NUP155: variants seen among roughly 807,000 people sequenced by gnomAD.
NUP155 encodes nuclear pore complex protein Nup155.
Under a neutral mutation model 180.4 loss-of-function variants are expected in NUP155, and 71 were observed. That is an observed-to-expected ratio of 0.39 (90% CI 0.33 to 0.48). NUP155 has a LOEUF of 0.48. Ranked by LOEUF, NUP155 falls within the 20% of genes least tolerant of loss-of-function variation. The pLI, the probability that NUP155 is intolerant of heterozygous loss-of-function variation, is 0.91. For missense variants in NUP155, 1,553 were observed against 1,648.9 expected (o/e 0.94, Z 1.01); for synonymous variants, 582 against 559.5 (o/e 1.04, Z -0.57).
At chr5:37,351,658 C>G (rs1165056605) in intron 5 of NUP155, among the ~76,000 whole-genome samples, 1 of 151,794 alleles carries the variant, frequency 6.6e-6, no homozygotes, top group African/African-American at 2.4e-5. Flanking sequence ...ACCGTGTTAG[C>G]CAGGATGGTC....
chr5:37,341,691 C>T (rs1745734293), intron 10 of NUP155, among the ~76,000 whole-genome samples: 1 of 152,076 alleles, frequency 6.6e-6, no homozygotes, highest in African/African-American at 2.4e-5. Flanking sequence ...CAGGTGCCTG[C>T]CACCATGTCT....
At chr5:37,366,114 T>C (rs943987929) in intron 1 of NUP155, among the ~76,000 whole-genome samples, 3 of 152,242 alleles carry the variant, frequency 2.0e-5, no homozygotes, top group South Asian at 2.1e-4. Flanking sequence ...AGTGTTCTCA[T>C]GGGCAACCTT....
In NUP155 at chr5:37,365,752, T is replaced by TACATATAC. The variant is rs1747540376; in HGVS notation, c.158-1369_158-1368insGTATATGT. ...AAAAAAAAAAAAATATATATATATA[T>TACATATAC]ACACACACACACACACACACACACA... is the stretch of plus-strand genomic sequence containing the variant. On this transcript the variant is annotated intron_variant, in intron 1 of 34. Coordinates refer to ENST00000231498, the MANE Select transcript of NUP155 (RefSeq NM_153485.3). 1.6e-3 allele frequency among the ~76,000 whole-genome samples: 59 copies of TACATATAC among 37,894 alleles called. 4 individuals carry two copies. Among genetic ancestry groups the TACATATAC allele is most frequent in the African/African-American group, 6.2e-3 (57 of 9,240 alleles). The allele number at this position is 37,894 out of a possible 152,430, so 24.9% of individuals were successfully genotyped here.
In NUP155 at chr5:37,292,031, ATCT is replaced by A. The variant is rs760495920; in HGVS notation, c.4042_4044del (p.Arg1348del). ...ACAGCATCCAGGCAGAGATTTGTAA[ATCT>A]TCTCCTACAACGAAAAAGACACATG... On this transcript the variant is annotated inframe_deletion, in exon 35 of 35. Transcript: ENST00000231498. The A allele has an allele frequency of 5.0e-6, 8 of 1,614,116 alleles. No homozygotes were observed. Among genetic ancestry groups the A allele is most frequent in the Admixed American group, 1.7e-5 (1 of 60,026 alleles).
chr5:37,301,271 G>A lies in NUP155; in HGVS notation c.3561+166C>T, dbSNP rs1473309914. 3 of 583,182 alleles carry A rather than the reference G, an allele frequency of 5.1e-6. No individual in the cohort carries two copies. The Admixed American group carries it at 8.1e-5, about 16-fold the overall frequency. The allele number at this position is 583,182 out of a possible 1,614,324, so 36.1% of individuals were successfully genotyped here. On this transcript the variant is annotated intron_variant, in intron 30 of 34. Coordinates refer to ENST00000231498, the MANE Select transcript of NUP155 (RefSeq NM_153485.3). ...TAGCTTAGCCTTTTTCTAGGAGTCAGATGAAGCAGTGGTGATCTGTCAGCC... is the reference window on the plus strand; with the variant it reads ...TAGCTTAGCCTTTTTCTAGGAGTCAAATGAAGCAGTGGTGATCTGTCAGCC...
rs779997731 is a variant in NUP155, at chr5:37,305,230, G to A, written c.2904-20C>T. ...TTTAATCTGAAAGAAAATGGAAAAG[G>A]AACAATTACATTATTTAACTAGAAA... On this transcript the variant is annotated intron_variant, in intron 25 of 34. Coordinates refer to ENST00000231498, the MANE Select transcript of NUP155 (RefSeq NM_153485.3). The A allele has an allele frequency of 4.7e-5, 75 of 1,594,976 alleles. 1 individual carries two copies. The South Asian group carries it at 6.8e-4, about 15-fold the overall frequency.
In NUP155 at chr5:37,309,188, T is replaced by G. The variant is rs747664030; in HGVS notation, c.2708A>C (p.Glu903Ala). 7.7e-5 allele frequency: 125 copies of G among 1,613,442 alleles called. No homozygotes were observed. Among genetic ancestry groups the G allele is most frequent in the Non-Finnish European group, 9.3e-5 (110 of 1,179,680 alleles). ...KERMLRESLKEYQKISNQVDL... is the reference protein window; with the variant it reads ...KERMLRESLKAYQKISNQVDL... ...CACTTGATTGCTAATTTTTTGATAT[T>G]CCTTTAATGATTCCCTTAACATTCT... The change falls in exon 24 of 35, where the codon GAA (glutamate) becomes GCA (alanine). Residue 903 changes from glutamate to alanine, a missense_variant. Coordinates refer to ENST00000231498, the MANE Select transcript of NUP155 (RefSeq NM_153485.3).
At chr5:37,297,544 A>C (rs919675977) in intron 32 of NUP155, among the ~76,000 whole-genome samples, 12 of 149,956 alleles carry the variant, frequency 8.0e-5, no homozygotes, top group African/African-American at 3.0e-4. Flanking sequence ...ATGCCTGGAT[A>C]ATTTTCCTAT....
chr5:37,318,482 T>TAA (rs576072235), intron 20 of NUP155, among the ~76,000 whole-genome samples: 3 of 145,502 alleles, frequency 2.1e-5, no homozygotes, highest in African/African-American at 5.0e-5. Flanking sequence ...GTATCCCTAA[T>TAA]AAAAAAAAAA....
intron 5 of NUP155, 77 bp from the exon 6 acceptor site, chr5:37,351,433 T>G: frequency 9.6e-7 from 1 of 1,043,286 alleles, no homozygotes. Flanking sequence ...ATCATCAGAA[T>G]CTATATGTTT....
rs1248876118 is a variant in NUP155, at chr5:37,288,915, A to C, written c.*2985T>G. The C allele has an allele frequency of 6.6e-6, 1 of 152,116 alleles. No homozygotes were observed. The allele number at this position is 152,116 out of a possible 1,614,324, so 9.4% of individuals were successfully genotyped here. On this transcript the variant is annotated 3_prime_UTR_variant, in exon 35 of 35. Transcript: ENST00000231498. Reference sequence around the variant, plus strand: ...CCCATCTCTACTAAAAATACAAAAAAAAAAAATTAGCCAGGCATGGTGGCG... The same window carrying C: ...CCCATCTCTACTAAAAATACAAAAACAAAAAATTAGCCAGGCATGGTGGCG...
At chr5:37,348,886 G>A (rs890352384) in intron 8 of NUP155, among the ~76,000 whole-genome samples, 8 of 151,916 alleles carry the variant, frequency 5.3e-5, no homozygotes, top group Non-Finnish European at 8.8e-5. Context: ...CTCCCAAGTA[G>A]CTGGGATTAA....
At chr5:37,354,457 CTTTTTT>C (rs34505360) in intron 4 of NUP155, among the ~76,000 whole-genome samples, 1 of 115,048 alleles carries the variant, frequency 8.7e-6, no homozygotes, top group Non-Finnish European at 1.8e-5. Context: ...TTTATTTCTT[CTTTTTT>C]TTTTTTTTTT....
chr5:37,361,814 A>T (rs1747242079), intron 3 of NUP155, among the ~76,000 whole-genome samples: 1 of 152,190 alleles, frequency 6.6e-6, no homozygotes, highest in African/African-American at 2.4e-5. Flanking sequence ...CTATGGATCA[A>T]ATATCTGTGT....
chr5:37,314,716 T>C (rs1345885273), intron 21 of NUP155, among the ~76,000 whole-genome samples: 1 of 152,140 alleles, frequency 6.6e-6, no homozygotes, highest in Non-Finnish European at 1.5e-5. Context: ...GGCGGGTGCC[T>C]GTAGTCCCAG....
chr5:37,335,687 C>A (rs1745285408), intron 12 of NUP155, among the ~76,000 whole-genome samples: 1 of 152,122 alleles, frequency 6.6e-6, no homozygotes, highest in Admixed American at 6.6e-5. Context: ...ACACGGCTTA[C>A]ACCTGTAATC....
Position 37,351,246 on chromosome 5 carries a change from T to G in NUP155, c.667A>C (p.Asn223His). ...TYLLTITSTD[N>H]GRIFLAGKDG... is the part of the protein sequence containing the mutation. ...TTTCCAGCCAAGAAAATTCTGCCAT[T>G]ATCAGTGGAAGTTATTGTTAAAAGG... The change falls in exon 6 of 35, where the codon AAT becomes CAT. Residue 223 changes from asparagine (N) to histidine (H), a missense_variant. Coordinates refer to ENST00000231498, the MANE Select transcript of NUP155 (RefSeq NM_153485.3). The G allele has an allele frequency of 6.2e-7, 1 of 1,613,856 alleles. No homozygotes were observed. The highest frequency in any genetic ancestry group is 2.2e-5 in the East Asian group (1 of 44,832).
rs1218688670 is a variant in NUP155 at position 37,305,050 on chromosome 5, C to T, written c.3057+7G>A. 6.2e-7 allele frequency: 1 copy of T among 1,612,970 alleles called. No individual in the cohort carries two copies. The highest frequency in any genetic ancestry group is 1.7e-5 in the Admixed American group (1 of 60,010). Reference sequence around the variant, plus strand: ...TTCTCAGAATGAAAATATACTATGTCCCTTACATGATGTCCTGCTTCTTCA... The same window carrying T: ...TTCTCAGAATGAAAATATACTATGTTCCTTACATGATGTCCTGCTTCTTCA... On this transcript the variant is annotated splice_region_variant and intron_variant, in intron 26 of 34. Coordinates refer to ENST00000231498, the MANE Select transcript of NUP155 (RefSeq NM_153485.3).
chr5:37,300,506 G>A (rs1170227116), intron 30 of NUP155, among the ~76,000 whole-genome samples: 2 of 152,188 alleles, frequency 1.3e-5, no homozygotes, highest in African/African-American at 4.8e-5. Flanking sequence ...AAGTGTTTCA[G>A]GGTACCTGGA....
Sources: gnomAD v4.1 joint callset for allele counts (sites outside exome capture counted in the v4.1 genomes callset) on GRCh38, gnomAD v4.1.1 for gene constraint, MANE v1.5 for transcripts, NCBI Gene and HGNC (gene_info 2026-07-23, HGNC 2026-07-21) for gene names.